The following GARNL3 variants were observed in gnomAD, a reference collection of about 807,000 sequenced individuals.
GARNL3 encodes the protein GTPase activating Rap/RanGAP domain like 3, also known as GTPase-activating Rap/Ran-GAP domain-like protein 3.
Under a neutral mutation model 125.0 loss-of-function variants are expected in GARNL3, and 63 were observed. The ratio of observed to expected loss-of-function variants is 0.50; its 90% CI spans 0.41 to 0.62. The LOEUF (loss-of-function observed/expected upper bound fraction) is 0.62, where lower values mean the gene tolerates loss of function less well. Among genes scored for constraint, GARNL3 ranks in the 20% least tolerant of loss-of-function variants. The pLI is 0.00. For missense variants in GARNL3, 994 were observed against 1,244.0 expected (o/e 0.80, Z 3.02); for synonymous variants, 439 against 457.5 (o/e 0.96, Z 0.52).
At chr9:127,230,487 T>C (rs886829064) in intron 1 of GARNL3, among the ~76,000 whole-genome samples, 1 of 151,990 alleles carries the variant, frequency 6.6e-6, no homozygotes, top group Non-Finnish European at 1.5e-5. Flanking sequence ...AAACCCCGTC[T>C]CTACTAAAAA....
exon 2 of GARNL3, chr9:127,243,098 G>C (rs1305872387): frequency 7.3e-6 from 10 of 1,362,056 alleles, no homozygotes; most frequent in Non-Finnish European, 9.8e-6. Context: ...CCAGCCTCCA[G>C]GCCCACTGAT....
In GARNL3 at chr9:127,353,863, C is replaced by T. The variant is rs766972048; in HGVS notation, c.1561C>T (p.Pro521Ser). ...TTTTCCAGATGACCTTCCATCAGTG[C>T]CCGTGTTTGACAGAACTCTGCCAGT... ...LLVDDDLPSV[P>S]VFDRTLPVKQ... Residue 521 changes from proline (P) to serine (S), a missense_variant, in exon 18 of 28, where the codon CCC becomes TCC. By Grantham distance (74) the Pro-to-Ser change is moderately conservative (BLOSUM62 -1). Transcript: ENST00000373387. 14 of 1,612,554 alleles carry T rather than the reference C, an allele frequency of 8.7e-6. No individual in the cohort carries two copies. In the Admixed American group the frequency reaches 2.3e-4, roughly 27 times the overall value.
At chr9:127,255,970 C>G (rs2063488540) in intron 2 of GARNL3, among the ~76,000 whole-genome samples, 1 of 152,174 alleles carries the variant, frequency 6.6e-6, no homozygotes, top group African/African-American at 2.4e-5. Flanking sequence ...TGAATCCCAG[C>G]AGGGAAACCT....
chr9:127,252,322 AT>A (rs1430163877), intron 2 of GARNL3, among the ~76,000 whole-genome samples: 1 of 152,166 alleles, frequency 6.6e-6, no homozygotes, highest in Non-Finnish European at 1.5e-5. Flanking sequence ...ACTACAGCAA[AT>A]TCTGGCTTGC....
At chr9:127,229,083 C>T (rs994943120) in intron 1 of GARNL3, among the ~76,000 whole-genome samples, 9 of 152,214 alleles carry the variant, frequency 5.9e-5, no homozygotes, top group Non-Finnish European at 7.3e-5. Context: ...CTCGGCCTCC[C>T]AAAGTGCTGG....
intron 21 of GARNL3, chr9:127,362,349 G>A (rs942664933): frequency 6.6e-6 from 1 of 152,054 alleles, no homozygotes; most frequent in African/African-American, 2.4e-5. Flanking sequence ...TGGGATTACA[G>A]GCATGAGCCA....
intron 2 of GARNL3, among the ~76,000 whole-genome samples, chr9:127,306,534 T>A (rs2064958918): frequency 6.6e-6 from 1 of 152,210 alleles, no homozygotes; most frequent in South Asian, 2.1e-4. Context: ...AAGACCATCC[T>A]GGCTAACACG....
At chr9:127,391,552 A>ATATATATATATATATATATATG (rs1292380673) in intron 27 of GARNL3, among the ~76,000 whole-genome samples, 5 of 129,022 alleles carry the variant, frequency 3.9e-5, no homozygotes, top group African/African-American at 1.4e-4. Context: ...ATATATATAT[A>ATATATATATATATATATATATG]GGCTGGGTCT....
At chr9:127,237,414 G>A (rs780966250) in intron 1 of GARNL3, among the ~76,000 whole-genome samples, 2 of 152,174 alleles carry the variant, frequency 1.3e-5, no homozygotes, top group African/African-American at 2.4e-5. Flanking sequence ...TCTCTCATGA[G>A]TGCATCTGAC....
intron 13 of GARNL3, 51 bp downstream of exon 13, chr9:127,339,802 A>G (rs1028221795): frequency 4.8e-6 from 5 of 1,050,668 alleles, no homozygotes; most frequent in Non-Finnish European, 7.5e-6. Context: ...GTCAGAATAC[A>G]TTTCTTCAGA....
At chr9:127,310,528 TC>T (rs1275341499) in intron 2 of GARNL3, among the ~76,000 whole-genome samples, 2 of 152,152 alleles carry the variant, frequency 1.3e-5, no homozygotes, top group Non-Finnish European at 2.9e-5. Context: ...ACACCTGTAA[TC>T]CCAGCACTTT....
upstream of GARNL3, chr9:127,263,863 C>G (rs964532470): frequency 1.5e-5 from 20 of 1,346,990 alleles, 1 homozygote; most frequent in East Asian, 5.6e-4. Context: ...TGCTGTCTTT[C>G]TTGGAGCCTG....
intron 2 of GARNL3, among the ~76,000 whole-genome samples, chr9:127,297,319 T>C (rs934078632): frequency 2.0e-5 from 3 of 152,028 alleles, no homozygotes; most frequent in African/African-American, 7.2e-5. Flanking sequence ...TTGTATTTTT[T>C]GTAGAGATGG....
intron 2 of GARNL3, among the ~76,000 whole-genome samples, chr9:127,294,392 C>T (rs781287491): frequency 6.6e-6 from 1 of 152,168 alleles, no homozygotes; most frequent in Non-Finnish European, 1.5e-5. Flanking sequence ...GCACCTCCGC[C>T]TCCTGGGTTC....
chr9:127,283,488 T>C (rs866739786), intron 1 of GARNL3, among the ~76,000 whole-genome samples: 1 of 152,034 alleles, frequency 6.6e-6, no homozygotes, highest in Non-Finnish European at 1.5e-5. Flanking sequence ...CTGGGCAACA[T>C]AGTGAGACCC....
intron 26 of GARNL3, 78 bp from the exon 27 acceptor site, chr9:127,390,563 C>A: frequency 7.2e-7 from 1 of 1,391,952 alleles, no homozygotes; most frequent in Non-Finnish European, 9.9e-7. Flanking sequence ...AGTTCCCAAC[C>A]AAGAAAAAAT....
chr9:127,328,536 C>T (rs1829025565), intron 7 of GARNL3, among the ~76,000 whole-genome samples: 1 of 152,028 alleles, frequency 6.6e-6, no homozygotes, highest in Non-Finnish European at 1.5e-5. Flanking sequence ...AGAGAGGCAC[C>T]CCCACAAGAG....
upstream of GARNL3, chr9:127,263,803 G>T (rs2063643298): frequency 5.6e-6 from 7 of 1,259,662 alleles, no homozygotes; most frequent in Non-Finnish European, 7.0e-6. Context: ...CCATCTCTGT[G>T]AAATGGTGGA....
At chr9:127,391,524 CAA>C (rs763160611) in intron 27 of GARNL3, among the ~76,000 whole-genome samples, 1 of 70,474 alleles carries the variant, frequency 1.4e-5, no homozygotes, top group Admixed American at 1.3e-4. Flanking sequence ...CCCATCTCTA[CAA>C]AAAAAAAATA....
Sources: allele counts gnomAD v4.1 joint callset (sites outside exome capture counted in the v4.1 genomes callset), GRCh38; gene constraint gnomAD v4.1.1; transcripts MANE v1.5; gene names NCBI Gene and HGNC (gene_info 2026-07-23, HGNC 2026-07-21).